Variants in VWA8 observed in about 807,000 individuals in gnomAD.
The protein encoded by VWA8 is von Willebrand factor A domain-containing protein 8.
Under a neutral mutation model 241.5 loss-of-function variants are expected in VWA8, and 221 were observed. That is an observed-to-expected ratio of 0.91 (90% confidence interval 0.82 to 1.02). VWA8 has a LOEUF of 1.02. Ranked by LOEUF, VWA8 falls within the 50% of genes least tolerant of loss-of-function variation. The pLI is 0.00. For synonymous variants in VWA8, 852 were observed against 827.1 expected (o/e 1.03, Z -0.52); for missense variants, 2,322 against 2,328.7 (o/e 1.00, Z 0.06).
chr13:41,827,199 G>C (rs1871213227), intron 14 of VWA8, among the ~76,000 whole-genome samples: 1 of 152,190 alleles, frequency 6.6e-6, no homozygotes, highest in Admixed American at 6.5e-5. Context: ...AACTGCTTAA[G>C]TGGGTACAGC....
chr13:41,715,008 T>C (rs1256393383), intron 26 of VWA8, among the ~76,000 whole-genome samples: 5 of 151,912 alleles, frequency 3.3e-5, no homozygotes, highest in Admixed American at 6.6e-5. Flanking sequence ...ATCCTTAGAA[T>C]TGGAATTAAT....
chr13:41,767,603 C>G (rs1321973540), intron 20 of VWA8, among the ~76,000 whole-genome samples: 1 of 152,136 alleles, frequency 6.6e-6, no homozygotes, highest in Non-Finnish European at 1.5e-5. Context: ...CCTAAACAGT[C>G]ATACAAATGG....
intron 9 of VWA8, among the ~76,000 whole-genome samples, chr13:41,878,110 A>G (rs1157868313): frequency 6.6e-6 from 1 of 152,112 alleles, no homozygotes; most frequent in Non-Finnish European, 1.5e-5. Context: ...AATTTCTATG[A>G]TAATCTAGGA....
intron 14 of VWA8, among the ~76,000 whole-genome samples, chr13:41,826,818 G>C (rs1290668271): frequency 1.3e-5 from 2 of 152,116 alleles, no homozygotes; most frequent in Admixed American, 1.3e-4. Flanking sequence ...AGGCTGCAGT[G>C]AGCCGAGATT....
chr13:41,779,676 G>T (rs1362624019), intron 19 of VWA8, among the ~76,000 whole-genome samples: 8 of 152,188 alleles, frequency 5.3e-5, no homozygotes, highest in Admixed American at 5.2e-4. Context: ...TCACTAAGAT[G>T]AAAAGTCAGT....
chr13:41,570,136 G>C (rs112887589), intron 44 of VWA8, among the ~76,000 whole-genome samples: 5,332 of 152,212 alleles, frequency 0.035, 328 homozygotes, highest in African/African-American at 0.12. Flanking sequence ...AACACAAAAT[G>C]ATTAGCCTGA....
chr13:41,646,420 T>C (rs374486798), intron 37 of VWA8, among the ~76,000 whole-genome samples: 165 of 152,360 alleles, frequency 1.1e-3, no homozygotes, highest in African/African-American at 3.7e-3. Flanking sequence ...ATATACTACT[T>C]CTGATATTCA....
Position 41,699,149 on chromosome 13 carries a change from A to C in VWA8, c.3486T>G (p.Asn1162Lys). The C allele has an allele frequency of 6.2e-7, 1 of 1,614,146 alleles. No homozygotes were observed. The highest frequency in any genetic ancestry group is 8.5e-7 in the Non-Finnish European group (1 of 1,180,008). Residue 1162 changes from asparagine to lysine, a missense_variant, in exon 29 of 45, where the codon AAT becomes AAG. Coordinates refer to ENST00000379310, the MANE Select transcript of VWA8 (RefSeq NM_015058.2). ...CTGTCACAAAAGGGTGCCAAACGCC[A>C]TTGGCTGTTCTTGGGAAGATATCAA... is the stretch of plus-strand genomic sequence containing the variant. The part of the protein sequence containing the change: ...DFFDIFPRTA[N>K]GVWHPFVTVA...
chr13:41,901,785 G>A (rs1270821621), intron 4 of VWA8, among the ~76,000 whole-genome samples: 2 of 141,738 alleles, frequency 1.4e-5, no homozygotes, highest in South Asian at 2.3e-4. Flanking sequence ...AGAATTGCTT[G>A]TACCCAGGAG....
intron 20 of VWA8, among the ~76,000 whole-genome samples, chr13:41,774,773 GA>G (rs1056616697): frequency 5.9e-5 from 9 of 151,984 alleles, no homozygotes; most frequent in Admixed American, 6.6e-5. Flanking sequence ...TAAGAAAAAA[GA>G]AAAGGCCCTA....
intron 24 of VWA8, 84 bp downstream of exon 24, chr13:41,727,110 A>G: frequency 2.8e-6 from 3 of 1,075,926 alleles, no homozygotes; most frequent in African/African-American, 3.3e-5. Flanking sequence ...GCACATGATA[A>G]GCATTCAATG....
intron 17 of VWA8, among the ~76,000 whole-genome samples, chr13:41,806,074 C>A (rs1287132187): frequency 6.7e-6 from 1 of 149,236 alleles, no homozygotes; most frequent in Non-Finnish European, 1.5e-5. Context: ...AAATCAGTAA[C>A]TGGAGGAATT....
chr13:41,839,748 C>CTA (rs1053113277), intron 12 of VWA8, among the ~76,000 whole-genome samples: 7 of 151,978 alleles, frequency 4.6e-5, no homozygotes, highest in African/African-American at 1.4e-4. Context: ...TTCCATTGGT[C>CTA]TATATCTCTG....
intron 14 of VWA8, among the ~76,000 whole-genome samples, chr13:41,821,673 A>G (rs900529524): frequency 7.2e-5 from 11 of 152,322 alleles, no homozygotes; most frequent in Non-Finnish European, 1.3e-4. Flanking sequence ...GCTTAATTTC[A>G]GACAAAAAGA....
chr13:41,669,892 ATT>A (rs1314374883), intron 37 of VWA8, among the ~76,000 whole-genome samples: 1 of 152,172 alleles, frequency 6.6e-6, no homozygotes, highest in Admixed American at 6.5e-5. Context: ...TCACATGTTT[ATT>A]TTAGAGTCAC....
chr13:41,911,062 CTT>C (rs5803108), intron 3 of VWA8, among the ~76,000 whole-genome samples: 378 of 97,942 alleles, frequency 3.9e-3, no homozygotes, highest in African/African-American at 8.7e-3. Context: ...CATTTTCTTT[CTT>C]TTTTTTTTTT....
intron 38 of VWA8, among the ~76,000 whole-genome samples, chr13:41,612,270 T>C (rs2044594057): frequency 6.6e-6 from 1 of 152,218 alleles, no homozygotes; most frequent in African/African-American, 2.4e-5. Context: ...AGAGGCTAAA[T>C]GACATATTCA....
chr13:41,771,815 C>A (rs2045825064), intron 20 of VWA8, among the ~76,000 whole-genome samples: 1 of 150,636 alleles, frequency 6.6e-6, no homozygotes, highest in African/African-American at 2.4e-5. Flanking sequence ...CTCTTGGACT[C>A]AAGCAATCCG....
intron 37 of VWA8, among the ~76,000 whole-genome samples, chr13:41,650,840 G>C (rs2044864752): frequency 1.3e-5 from 2 of 152,150 alleles, no homozygotes; most frequent in Non-Finnish European, 2.9e-5. Context: ...TCCAAGGAGG[G>C]CTTAGGGAGA....
Sources: allele counts gnomAD v4.1 joint callset (sites outside exome capture counted in the v4.1 genomes callset), GRCh38; gene constraint gnomAD v4.1.1; transcripts MANE v1.5; gene names NCBI Gene and HGNC (gene_info 2026-07-23, HGNC 2026-07-21).